The following PSMG2 variants were observed in gnomAD, a reference collection of about 807,000 sequenced individuals.
PSMG2 encodes the protein proteasome assembly chaperone 2, also known as CD40 ligand-activated specific transcript 3.
PSMG2 carries 21 observed loss-of-function variants against 31.5 expected under a neutral mutation model. The ratio of observed to expected loss-of-function variants is 0.67; its 90% CI spans 0.47 to 0.96. The LOEUF (loss-of-function observed/expected upper bound fraction) is 0.96, where lower values mean the gene tolerates loss of function less well. Ranked by LOEUF, PSMG2 falls within the 40% of genes least tolerant of loss-of-function variation. The probability of loss-of-function intolerance (pLI) is 0.00; values close to 1 mark genes in which losing one functional copy is unlikely to be tolerated. For missense variants in PSMG2, 318 were observed against 321.2 expected, an observed-to-expected ratio of 0.99 and a Z score of 0.08; for synonymous variants, 120 against 110.4, an observed-to-expected ratio of 1.09 and a Z score of -0.54.
At chr18:12,718,400 G>T (rs1050116842) in intron 3 of PSMG2, 117 bp from the exon 4 acceptor site, 2 of 499,052 alleles carry the variant, frequency 4.0e-6, no homozygotes, top group Non-Finnish European at 6.8e-6. Context: ...AATAATTTCA[G>T]TATATATAAA....
At chr18:12,687,364 T>C (rs568640020) in intron 1 of PSMG2, among the ~76,000 whole-genome samples, 16 of 152,060 alleles carry the variant, frequency 1.1e-4, no homozygotes, top group African/African-American at 3.6e-4. Flanking sequence ...CATTTGATTA[T>C]AATGAGAAAG....
At chr18:12,701,252 G>C (rs1034196665), upstream of PSMG2, 5 of 626,200 alleles carry the variant, frequency 8.0e-6, no homozygotes, top group African/African-American at 9.2e-5. Flanking sequence ...AGCTTTTAAA[G>C]AATGAATCTT....
At chr18:12,721,035 C>G in intron 5 of PSMG2, among the ~76,000 whole-genome samples, 1 of 152,034 alleles carries the variant, frequency 6.6e-6, no homozygotes, top group East Asian at 2.0e-4. Flanking sequence ...AAAAAATTAG[C>G]TGGGCGTGAT....
At chr18:12,678,144 T>C (rs2039211346) in intron 1 of PSMG2, 3 of 1,613,514 alleles carry the variant, frequency 1.9e-6, no homozygotes, top group African/African-American at 1.3e-5. Flanking sequence ...CTCAGCTGCA[T>C]TTCAATTTCA....
upstream of PSMG2, chr18:12,702,349 C>A: frequency 1.5e-6 from 1 of 664,212 alleles, no homozygotes; most frequent in Non-Finnish European, 2.6e-6. Context: ...CAAAGCTCTG[C>A]CTACTCTGCG....
intron 6 of PSMG2, 70 bp from the exon 7 acceptor site, chr18:12,725,369 T>C: frequency 5.6e-6 from 7 of 1,258,606 alleles, no homozygotes. Context: ...AGGAGAGTTT[T>C]ATAATTCACT....
chr18:12,706,763 A>G, intron 2 of PSMG2, 42 bp downstream of exon 2: 2 of 1,534,942 alleles, frequency 1.3e-6, no homozygotes, highest in Non-Finnish European at 8.8e-7. Context: ...TACAAAGTAG[A>G]GTTGTTTTAA....
chr18:12,721,769 CT>C (rs1190405890), intron 5 of PSMG2, among the ~76,000 whole-genome samples: 1 of 151,762 alleles, frequency 6.6e-6, no homozygotes, highest in Non-Finnish European at 1.5e-5. Flanking sequence ...TTTCCGCTAG[CT>C]TTGGATTTGA....
At chr18:12,719,711 T>C (rs1017878027) in intron 4 of PSMG2, among the ~76,000 whole-genome samples, 1 of 145,810 alleles carries the variant, frequency 6.9e-6, no homozygotes, top group Admixed American at 6.9e-5. Context: ...TTTTTTTTTT[T>C]CCTCTTTTTT....
chr18:12,682,039 G>T (rs1359355356), intron 1 of PSMG2, among the ~76,000 whole-genome samples: 1 of 151,810 alleles, frequency 6.6e-6, no homozygotes. Flanking sequence ...CTGATACTGT[G>T]TTCTGTGAAA....
intron 1 of PSMG2, among the ~76,000 whole-genome samples, chr18:12,662,470 C>G (rs1023494827): frequency 6.6e-6 from 1 of 152,212 alleles, no homozygotes; most frequent in South Asian, 2.1e-4. Flanking sequence ...TGTACACTCA[C>G]AGAGAGCGAG....
At chr18:12,667,760 CA>C (rs67167827) in intron 1 of PSMG2, among the ~76,000 whole-genome samples, 37,198 of 89,774 alleles carry the variant, frequency 0.41, 4,867 homozygotes, top group Non-Finnish European at 0.47. Context: ...GACTCTTTCT[CA>C]AAAAAAAAAA....
At chr18:12,701,701 T>C (rs2040156256), upstream of PSMG2, among the ~76,000 whole-genome samples, 1 of 152,190 alleles carries the variant, frequency 6.6e-6, no homozygotes. Context: ...TGGAGGTTCT[T>C]CTGGAGCTCC....
rs141766612 is a variant in PSMG2, at chr18:12,718,767, A to G, written c.407+132A>G. 2.7e-3 allele frequency: 1,548 copies of G among 565,970 alleles called. 17 individuals carry two copies. The highest frequency in any genetic ancestry group is 0.018 in the Middle Eastern group (38 of 2,152). 35.1% of individuals were successfully genotyped at this position (565,970 alleles called of 1,614,324 possible). ...ACTGGAGTTTAGAAAGAGGGGGGTA[A>G]GAGAAGGTCAGGAGATGGGAGGGAG... On this transcript the variant is annotated intron_variant, in intron 4 of 6. Coordinates refer to ENST00000317615, the MANE Select transcript of PSMG2 (RefSeq NM_020232.5).
At chr18:12,682,277 T>A (rs1222057565) in intron 1 of PSMG2, among the ~76,000 whole-genome samples, 1 of 151,728 alleles carries the variant, frequency 6.6e-6, no homozygotes, top group Non-Finnish European at 1.5e-5. Flanking sequence ...GCAGCCTTGA[T>A]GTCCCCAGCT....
intron 1 of PSMG2, among the ~76,000 whole-genome samples, chr18:12,704,238 T>A (rs1304146593): frequency 6.6e-6 from 1 of 152,178 alleles, no homozygotes; most frequent in Non-Finnish European, 1.5e-5. Context: ...TGGAGTGGGT[T>A]GAATGAATGA....
chr18:12,712,859 T>C (rs1434931287), intron 3 of PSMG2, 99 bp downstream of exon 3: 1 of 853,842 alleles, frequency 1.2e-6, no homozygotes. Flanking sequence ...GTTTTTACCA[T>C]ATGTACAGTT....
intron 1 of PSMG2, among the ~76,000 whole-genome samples, chr18:12,665,990 C>T (rs927155563): frequency 6.6e-6 from 1 of 152,172 alleles, no homozygotes; most frequent in African/African-American, 2.4e-5. Flanking sequence ...CCACCGTGCC[C>T]GGCCCAACAC....
chr18:12,710,130 G>A (rs1272826186), intron 2 of PSMG2, among the ~76,000 whole-genome samples: 1 of 151,182 alleles, frequency 6.6e-6, no homozygotes, highest in Non-Finnish European at 1.5e-5. Flanking sequence ...TTTTTAGTAA[G>A]ACGGGGTTTC....
Sources: gnomAD v4.1 joint callset for allele counts (sites outside exome capture counted in the v4.1 genomes callset) on GRCh38, gnomAD v4.1.1 for gene constraint, MANE v1.5 for transcripts, NCBI Gene and HGNC (gene_info 2026-07-23, HGNC 2026-07-21) for gene names.